CD109: variants seen among roughly 807,000 people sequenced by gnomAD.
The protein encoded by CD109 is CD109 molecule, also known as CD109 antigen.
A neutral mutation model predicts 165.8 loss-of-function variants in CD109; 149 were observed. That is an observed-to-expected ratio of 0.90 (90% CI 0.79 to 1.03). The LOEUF is 1.03. Ranked by LOEUF, CD109 falls within the 50% of genes least tolerant of loss-of-function variation. The probability of loss-of-function intolerance (pLI) is 0.00; values close to 1 mark genes in which losing one functional copy is unlikely to be tolerated. For missense variants in CD109, 1,712 were observed against 1,677.8 expected (o/e 1.02, Z -0.36); for synonymous variants, 585 against 592.1 (o/e 0.99, Z 0.18).
chr6:73,681,086 C>A, the CD109 span, among the ~76,000 whole-genome samples: 5 of 152,132 alleles, frequency 3.3e-5, no homozygotes, highest in African/African-American at 1.2e-4. Context: ...GCAGTGCTCC[C>A]TCGTAAGACA....
intron 23 of CD109, among the ~76,000 whole-genome samples, chr6:73,793,569 AG>A (rs1216543185): frequency 1.3e-5 from 2 of 152,234 alleles, no homozygotes; most frequent in East Asian, 1.9e-4. Context: ...TAACTTGCCC[AG>A]GGTCATATAG....
At chr6:73,782,784 A>G (rs991992149) in intron 18 of CD109, 29 bp downstream of exon 18, 2 of 1,606,200 alleles carry the variant, frequency 1.2e-6, no homozygotes, top group African/African-American at 1.3e-5. Flanking sequence ...CTTTGCCCAT[A>G]CATATTTTGT....
chr6:73,726,445 A>G (rs925756181), intron 3 of CD109, among the ~76,000 whole-genome samples: 6 of 152,350 alleles, frequency 3.9e-5, no homozygotes, highest in Middle Eastern at 3.4e-3. Flanking sequence ...AATTACTAAT[A>G]TATTTTTAAT....
Position 73,806,902 on chromosome 6 carries a change from C to G in CD109, c.3019C>G (p.Gln1007Glu), listed in dbSNP as rs1454572681. The G allele has an allele frequency of 6.2e-7, 1 of 1,613,796 alleles. No homozygotes were observed. Among genetic ancestry groups the G allele is most frequent in the East Asian group, 2.2e-5 (1 of 44,854 alleles). ...AGCCGATCCTTACATAGATATTGAT[C>G]AGAATGTGTTACACAGAACATACAC... is the stretch of plus-strand genomic sequence containing the variant. ...LEADPYIDIDQNVLHRTYTWL... is the reference protein window; with the variant it reads ...LEADPYIDIDENVLHRTYTWL... The change falls in exon 25 of 33, where the codon CAG (glutamine) becomes GAG (glutamate). Residue 1007 changes from glutamine to glutamate, a missense_variant. Transcript: ENST00000287097.
intron 4 of CD109, among the ~76,000 whole-genome samples, chr6:73,732,268 A>C (rs1430176860): frequency 6.6e-6 from 1 of 152,212 alleles, no homozygotes; most frequent in Non-Finnish European, 1.5e-5. Context: ...TTCTTAGTTT[A>C]TTTGTTGTTA....
At chr6:73,707,199 A>T (rs926465413) in intron 2 of CD109, among the ~76,000 whole-genome samples, 6 of 152,144 alleles carry the variant, frequency 3.9e-5, no homozygotes, top group Non-Finnish European at 7.4e-5. Flanking sequence ...TGTGTCTGCC[A>T]TGGCCATGGG....
chr6:73,781,007 G>GTA (rs10629005), intron 16 of CD109, among the ~76,000 whole-genome samples: 54,917 of 143,678 alleles, frequency 0.38, 11,122 homozygotes, highest in African/African-American at 0.47. Context: ...ATGTGTATGC[G>GTA]TGTGTGTGTG....
intron 22 of CD109, among the ~76,000 whole-genome samples, chr6:73,789,539 T>C (rs1357700872): frequency 1.3e-5 from 2 of 151,834 alleles, no homozygotes; most frequent in East Asian, 3.9e-4. Context: ...CTGCAAGCTC[T>C]GCTTCCCAGG....
chr6:73,759,826 C>T (rs151054155), intron 7 of CD109, among the ~76,000 whole-genome samples: 3 of 151,670 alleles, frequency 2.0e-5, no homozygotes, highest in African/African-American at 7.3e-5. Context: ...ATTTGATGCT[C>T]AGGTTGCTAA....
chr6:73,767,968 G>A (rs1159624174), intron 13 of CD109, 87 bp from the exon 14 acceptor site: 3 of 1,064,052 alleles, frequency 2.8e-6, no homozygotes, highest in Non-Finnish European at 4.2e-6. Context: ...GAATTTGTGT[G>A]TATGCATACA....
intron 6 of CD109, among the ~76,000 whole-genome samples, chr6:73,757,869 C>T (rs1773454399): frequency 6.6e-6 from 1 of 152,152 alleles, no homozygotes; most frequent in African/African-American, 2.4e-5. Context: ...GTCTTTTAGA[C>T]AGCCCTGATC....
At chr6:73,771,132 C>G (rs1475914333) in intron 14 of CD109, among the ~76,000 whole-genome samples, 2 of 152,164 alleles carry the variant, frequency 1.3e-5, no homozygotes, top group African/African-American at 2.4e-5. Flanking sequence ...CTGCTGTCTT[C>G]TACTCAGCAC....
At chr6:73,692,888 G>A (rs965262273), upstream of CD109, among the ~76,000 whole-genome samples, 1 of 152,210 alleles carries the variant, frequency 6.6e-6, no homozygotes, top group Non-Finnish European at 1.5e-5. Context: ...TCCCAGCCAT[G>A]TGGAACTGTG....
chr6:73,764,862 G>C (rs1050771357), intron 10 of CD109, among the ~76,000 whole-genome samples: 1 of 151,870 alleles, frequency 6.6e-6, no homozygotes, highest in Non-Finnish European at 1.5e-5. Flanking sequence ...AAGAATGGAG[G>C]GGTCACTTGT....
At position 73,737,948 on chromosome 6, in the gene CD109, C is replaced by T. The variant is rs368149565; in HGVS notation, c.633+1440C>T. Among the ~76,000 whole-genome samples, 16 of 152,304 alleles carry T rather than the reference C, an allele frequency of 1.1e-4. No individual in the cohort carries two copies. The East Asian group carries it at 1.7e-3, about 17-fold the overall frequency. On this transcript the variant is annotated intron_variant, in intron 5 of 32. Coordinates refer to ENST00000287097, the MANE Select transcript of CD109 (RefSeq NM_133493.5). ...CACTTTTTTTGGTCCATCCATCCAT[C>T]GATCCTTCTATCCACCCACCCACCC...
At chr6:73,721,806 A>G (rs1346093023) in intron 2 of CD109, among the ~76,000 whole-genome samples, 5 of 151,946 alleles carry the variant, frequency 3.3e-5, no homozygotes, top group African/African-American at 1.2e-4. Flanking sequence ...ATGTGATCTC[A>G]GCTCACTGCA....
intron 10 of CD109, among the ~76,000 whole-genome samples, chr6:73,765,001 G>A (rs570905877): frequency 8.5e-5 from 13 of 152,230 alleles, no homozygotes; most frequent in African/African-American, 3.1e-4. Context: ...TGAAACCATG[G>A]GCGTTCAGAG....
At chr6:73,755,093 G>A (rs1439030675) in intron 5 of CD109, among the ~76,000 whole-genome samples, 3 of 152,188 alleles carry the variant, frequency 2.0e-5, no homozygotes, top group African/African-American at 7.2e-5. Flanking sequence ...TTAAAGACTA[G>A]CATTCTTATG....
chr6:73,720,728 C>CA (rs955019302), intron 2 of CD109, among the ~76,000 whole-genome samples: 28 of 152,008 alleles, frequency 1.8e-4, no homozygotes, highest in Non-Finnish European at 3.2e-4. Context: ...TTTTGCTAAC[C>CA]AAAAAAAGAT....
Sources: allele counts gnomAD v4.1 joint callset (sites outside exome capture counted in the v4.1 genomes callset), GRCh38; gene constraint gnomAD v4.1.1; transcripts MANE v1.5; gene names NCBI Gene and HGNC (gene_info 2026-07-23, HGNC 2026-07-21).